KDM5A: variants seen among roughly 807,000 people sequenced by gnomAD.
The protein encoded by KDM5A is lysine demethylase 5A, also known as lysine-specific demethylase 5A.
A neutral mutation model predicts 193.5 loss-of-function variants in KDM5A; 42 were observed. The observed-to-expected ratio is 0.22, with a 90% CI of 0.17 to 0.28. The LOEUF is 0.28. Among genes scored for constraint, KDM5A ranks in the 10% least tolerant of loss-of-function variants. The pLI, the probability that KDM5A is intolerant of heterozygous loss-of-function variation, is 1.00. For synonymous variants in KDM5A, 796 were observed against 718.1 expected (o/e 1.11, Z -1.73); for missense variants, 1,692 against 2,055.1 (o/e 0.82, Z 3.42).
chr12:313,964 G>T (rs777795772), intron 19 of KDM5A, among the ~76,000 whole-genome samples: 3 of 152,164 alleles, frequency 2.0e-5, no homozygotes, highest in East Asian at 1.9e-4. Context: ...TTGCGATTAG[G>T]GGGTGATGTG....
Position 284,985 on chromosome 12 carries a change from G to C in KDM5A, c.*471C>G, listed in dbSNP as rs757851658. ...TGTATCTTTAGGGCATTAAGTACCA[G>C]GTAACAGTGGAAGGAAAGTGGTACT... On this transcript the variant is annotated 3_prime_UTR_variant, in exon 28 of 28. Transcript: ENST00000399788. 2 of 260,890 alleles carry C rather than the reference G, an allele frequency of 7.7e-6. No homozygotes were observed. The highest frequency in any genetic ancestry group is 1.5e-5 in the Non-Finnish European group (2 of 133,388). 16.2% of individuals were successfully genotyped at this position (260,890 alleles called of 1,614,324 possible).
At position 356,486 on chromosome 12, in the gene KDM5A, A is replaced by G. The variant is rs1156737125; in HGVS notation, c.724T>C (p.Phe242Leu). 1 of 1,614,024 alleles carries G rather than the reference A, an allele frequency of 6.2e-7. No individual in the cohort carries two copies. The highest frequency in any genetic ancestry group is 8.5e-7 in the Non-Finnish European group (1 of 1,179,886). ...RNTELKKLQIFGAGPKVVGLA... is the reference protein window; with the variant it reads ...RNTELKKLQILGAGPKVVGLA... ...CCCACAACCTTGGGCCCAGCCCCAAAAATCTGAAGTTTCTTCAGTTCCGTG... is the reference window on the plus strand; with the variant it reads ...CCCACAACCTTGGGCCCAGCCCCAAGAATCTGAAGTTTCTTCAGTTCCGTG... Residue 242 changes from phenylalanine to leucine, a missense_variant, in exon 6 of 28, where the codon TTT becomes CTT. Transcript: ENST00000399788.
intron 24 of KDM5A, among the ~76,000 whole-genome samples, chr12:300,969 G>A (rs889726588): frequency 2.7e-4 from 41 of 152,196 alleles, no homozygotes; most frequent in East Asian, 1.9e-4. Flanking sequence ...AGCCTCCCAC[G>A]ACTAAACCAG....
chr12:335,566 A>C (rs1434219476), intron 10 of KDM5A, among the ~76,000 whole-genome samples: 2 of 152,180 alleles, frequency 1.3e-5, no homozygotes, highest in African/African-American at 4.8e-5. Flanking sequence ...GGGTAGGGTC[A>C]TTATTGTGCT....
intron 10 of KDM5A, among the ~76,000 whole-genome samples, chr12:342,302 G>C (rs757058750): frequency 9.2e-5 from 14 of 152,118 alleles, no homozygotes; most frequent in Non-Finnish European, 1.8e-4. Flanking sequence ...AAAGTAAAGA[G>C]AAAAGAAATG....
intron 3 of KDM5A, among the ~76,000 whole-genome samples, chr12:366,355 T>A (rs1160557799): frequency 1.3e-5 from 2 of 152,204 alleles, no homozygotes; most frequent in Non-Finnish European, 2.9e-5. Context: ...TAATGAATAC[T>A]CTGTACAGTA....
chr12:300,683 A>G (rs1429441718), intron 24 of KDM5A, among the ~76,000 whole-genome samples: 1 of 152,244 alleles, frequency 6.6e-6, no homozygotes, highest in African/African-American at 2.4e-5. Flanking sequence ...CTAAGATCAG[A>G]GCAGAACTGA....
chr12:369,436 T>C (rs1271961307), intron 3 of KDM5A, among the ~76,000 whole-genome samples: 1 of 152,182 alleles, frequency 6.6e-6, no homozygotes, highest in Non-Finnish European at 1.5e-5. Flanking sequence ...GGAGCTTACA[T>C]TCTAGTGGAG....
At chr12:372,383 T>A (rs1334851505) in intron 3 of KDM5A, among the ~76,000 whole-genome samples, 1 of 152,234 alleles carries the variant, frequency 6.6e-6, no homozygotes, top group Non-Finnish European at 1.5e-5. Flanking sequence ...AGTTCACTCA[T>A]GATTTGGCTC....
At chr12:366,866 C>T (rs576700345) in intron 3 of KDM5A, among the ~76,000 whole-genome samples, 3 of 152,248 alleles carry the variant, frequency 2.0e-5, no homozygotes, top group South Asian at 2.1e-4. Flanking sequence ...AAATATAGAC[C>T]GCATATATGA....
chr12:362,634 CAAAG>C (rs1171489648), intron 5 of KDM5A, among the ~76,000 whole-genome samples: 1 of 152,224 alleles, frequency 6.6e-6, no homozygotes, highest in Non-Finnish European at 1.5e-5. Context: ...AAAAAATTAA[CAAAG>C]AACTTTCTAA....
At chr12:317,071 A>G (rs1943658807) in intron 19 of KDM5A, among the ~76,000 whole-genome samples, 1 of 152,180 alleles carries the variant, frequency 6.6e-6, no homozygotes, top group African/African-American at 2.4e-5. Context: ...TATCAGCCAA[A>G]TTTGCTGACA....
intron 24 of KDM5A, among the ~76,000 whole-genome samples, chr12:300,443 T>A (rs1326306900): frequency 6.6e-6 from 1 of 152,112 alleles, no homozygotes; most frequent in Non-Finnish European, 1.5e-5. Flanking sequence ...ACTGGGTACA[T>A]AAAGAAATGA....
Position 330,075 on chromosome 12 carries a change from G to GTATATATATA in KDM5A, c.1774-1047_1774-1046insTATATATATA, listed in dbSNP as rs1320131180. 1.2e-4 allele frequency among the ~76,000 whole-genome samples: 15 copies of GTATATATATA among 128,252 alleles called. No homozygotes were observed. In the East Asian group the frequency reaches 1.7e-3, roughly 15 times the overall value. The allele number at this position is 128,252 out of a possible 152,430, so 84.1% of individuals were successfully genotyped here. On this transcript the variant is annotated intron_variant, in intron 13 of 27. Transcript: ENST00000399788. ...AAAAAGTGTGTGTGTGTGTGTGTGT[G>GTATATATATA]TGTGTGTGTGTATATATATATATCT...
chr12:388,674 C>T (rs34197179), intron 1 of KDM5A: 7,740 of 575,348 alleles, frequency 0.013, 85 homozygotes, highest in Non-Finnish European at 0.017. Context: ...GCTTTAGGCC[C>T]ACGGCTGAGA....
chr12:284,776 C>G lies in KDM5A; in HGVS notation c.*680G>C, dbSNP rs914219244. The G allele has an allele frequency of 8.6e-6, 2 of 232,984 alleles. No homozygotes were observed. The highest frequency in any genetic ancestry group is 5.6e-5 in the Admixed American group (1 of 17,774). The allele number at this position is 232,984 out of a possible 1,614,324, so 14.4% of individuals were successfully genotyped here. A position where few individuals can be genotyped will look rare whatever the true frequency, so the allele number is the denominator to read the frequency against. On this transcript the variant is annotated 3_prime_UTR_variant, in exon 28 of 28. Coordinates refer to ENST00000399788, the MANE Select transcript of KDM5A (RefSeq NM_001042603.3). Reference sequence around the variant, plus strand: ...TCTTCTCCTCAGAATCCAATCTAGTCAGATTTCTGATCTAGATGATATCCT... The same window carrying G: ...TCTTCTCCTCAGAATCCAATCTAGTGAGATTTCTGATCTAGATGATATCCT...
At chr12:316,166 T>C (rs1342041165) in intron 19 of KDM5A, among the ~76,000 whole-genome samples, 1 of 152,202 alleles carries the variant, frequency 6.6e-6, no homozygotes, top group Non-Finnish European at 1.5e-5. Context: ...AGAAAGATAA[T>C]TCTGACAGAA....
At chr12:361,490 G>T (rs911938149) in intron 5 of KDM5A, among the ~76,000 whole-genome samples, 2 of 152,048 alleles carry the variant, frequency 1.3e-5, no homozygotes, top group African/African-American at 4.8e-5. Flanking sequence ...CACCATGCCC[G>T]GCCTGTAGTC....
chr12:379,595 A>G (rs943592178), intron 3 of KDM5A, among the ~76,000 whole-genome samples: 1 of 152,236 alleles, frequency 6.6e-6, no homozygotes, highest in African/African-American at 2.4e-5. Flanking sequence ...TTTAGGGAAC[A>G]AAGTATTATA....
Sources: gnomAD v4.1 joint callset for allele counts (sites outside exome capture counted in the v4.1 genomes callset) on GRCh38, gnomAD v4.1.1 for gene constraint, MANE v1.5 for transcripts, NCBI Gene and HGNC (gene_info 2026-07-23, HGNC 2026-07-21) for gene names.